THSD4: variants seen among roughly 807,000 people sequenced by gnomAD.
The protein encoded by THSD4 is thrombospondin type-1 domain-containing protein 4.
Under a neutral mutation model 119.0 loss-of-function variants are expected in THSD4, and 69 were observed. The observed-to-expected ratio is 0.58, with a 90% confidence interval of 0.48 to 0.71. THSD4 has a LOEUF of 0.71. Among genes scored for constraint, THSD4 ranks in the 30% least tolerant of loss-of-function variants. The probability of loss-of-function intolerance (pLI) is 0.00; values close to 1 mark genes in which losing one functional copy is unlikely to be tolerated. For synonymous variants in THSD4, 524 were observed against 540.4 expected, an observed-to-expected ratio of 0.97 and a Z score of 0.42; for missense variants, 1,393 against 1,391.1, an observed-to-expected ratio of 1.00 and a Z score of -0.02.
intron 7 of THSD4, among the ~76,000 whole-genome samples, chr15:71,512,571 G>A (rs2048298898): frequency 6.6e-6 from 1 of 152,050 alleles, no homozygotes; most frequent in South Asian, 2.1e-4. Context: ...AAAAACCACG[G>A]GTTTTTAAGT....
intron 7 of THSD4, among the ~76,000 whole-genome samples, chr15:71,567,366 C>T (rs773908973): frequency 1.3e-5 from 2 of 152,084 alleles, no homozygotes; most frequent in African/African-American, 2.4e-5. Context: ...GGAAGGGAAG[C>T]GGCCTGATAC....
chr15:71,310,524 G>T (rs1002618076), intron 6 of THSD4, among the ~76,000 whole-genome samples: 1 of 152,176 alleles, frequency 6.6e-6, no homozygotes, highest in Non-Finnish European at 1.5e-5. Flanking sequence ...TTGACAAAAA[G>T]GATGTGATCT....
At chr15:71,101,907 T>C (rs2040255265) in intron 1 of THSD4, among the ~76,000 whole-genome samples, 1 of 152,010 alleles carries the variant, frequency 6.6e-6, no homozygotes, top group Non-Finnish European at 1.5e-5. Flanking sequence ...AGAGACGGGG[T>C]TTCACCATGT....
chr15:71,358,994 A>T (rs906393900), intron 6 of THSD4, among the ~76,000 whole-genome samples: 3 of 152,164 alleles, frequency 2.0e-5, no homozygotes, highest in Non-Finnish European at 1.5e-5. Flanking sequence ...TAGGTAGAGG[A>T]TTCATTTTAC....
At chr15:71,690,180 G>A (rs145123273) in intron 8 of THSD4, among the ~76,000 whole-genome samples, 205 of 152,320 alleles carry the variant, frequency 1.3e-3, no homozygotes, top group Admixed American at 2.4e-3. Flanking sequence ...TGGCCCTGGA[G>A]TTGTATTGAG....
chr15:71,497,252 C>CCTAT (rs1201634513), intron 7 of THSD4, among the ~76,000 whole-genome samples: 11 of 152,162 alleles, frequency 7.2e-5, no homozygotes, highest in African/African-American at 2.7e-4. Flanking sequence ...GTGGCTTATG[C>CCTAT]CTATAATCCC....
intron 8 of THSD4, among the ~76,000 whole-genome samples, chr15:71,718,971 C>T (rs1274622071): frequency 6.6e-6 from 1 of 152,116 alleles, no homozygotes; most frequent in East Asian, 1.9e-4. Context: ...CTTTTTTGAC[C>T]AGTTTATTTT....
rs1269458968 is a variant in THSD4 at position 71,745,202 on chromosome 15, A to C, written c.2003A>C (p.Glu668Ala). Residue 668 changes from glutamate (E) to alanine (A), a missense_variant, in exon 12 of 18, where the codon GAG becomes GCG. Coordinates refer to ENST00000261862, the MANE Select transcript of THSD4 (RefSeq NM_024817.3). ...CDSSMKPTPE[E>A]EPCNIFPCPA... is the part of the protein sequence containing the mutation. ...TCCAGCATGAAGCCGACCCCCGAGG[A>C]GGAGCCCTGCAACATCTTCCCTTGC... 1 of 1,613,648 alleles carries C rather than the reference A, an allele frequency of 6.2e-7. No individual in the cohort carries two copies. The highest frequency in any genetic ancestry group is 1.7e-5 in the Admixed American group (1 of 60,018).
chr15:71,578,861 T>TTGA (rs2049505883), intron 7 of THSD4, among the ~76,000 whole-genome samples: 1 of 150,136 alleles, frequency 6.7e-6, no homozygotes, highest in African/African-American at 2.5e-5. Flanking sequence ...TTTTTTTTTT[T>TTGA]GAGACGGAGT....
chr15:71,443,117 C>T (rs2047132513), intron 7 of THSD4, among the ~76,000 whole-genome samples: 2 of 152,146 alleles, frequency 1.3e-5, no homozygotes, highest in South Asian at 4.1e-4. Flanking sequence ...GCAAAATGTT[C>T]ACTGAATCTA....
At chr15:71,097,577 A>C (rs1596199449) in intron 1 of THSD4, among the ~76,000 whole-genome samples, 1 of 148,122 alleles carries the variant, frequency 6.8e-6, no homozygotes, top group East Asian at 2.0e-4. Flanking sequence ...AAAAAAAAAA[A>C]CAACAACAAC....
At chr15:71,145,832 G>A (rs1373161518) in intron 2 of THSD4, among the ~76,000 whole-genome samples, 1 of 151,996 alleles carries the variant, frequency 6.6e-6, no homozygotes, top group African/African-American at 2.4e-5. Flanking sequence ...GGTTGGGGAG[G>A]AGGGAGTGGA....
intron 4 of THSD4, among the ~76,000 whole-genome samples, chr15:71,222,836 G>A (rs1241908681): frequency 6.6e-6 from 1 of 152,148 alleles, no homozygotes; most frequent in Non-Finnish European, 1.5e-5. Context: ...AAGAACAGGA[G>A]CTACACACCC....
chr15:71,675,604 C>T (rs1393941793), intron 8 of THSD4, among the ~76,000 whole-genome samples: 6 of 152,162 alleles, frequency 3.9e-5, no homozygotes, highest in South Asian at 2.1e-4. Context: ...AGACCTCGCT[C>T]GTGGTACTGG....
chr15:71,369,928 G>A (rs1380052089), intron 6 of THSD4, among the ~76,000 whole-genome samples: 13 of 152,086 alleles, frequency 8.5e-5, no homozygotes, highest in Non-Finnish European at 1.8e-4. Flanking sequence ...TTTTTGGTTA[G>A]TAGGCTATTA....
At chr15:71,692,197 G>A (rs187599191) in intron 8 of THSD4, among the ~76,000 whole-genome samples, 206 of 152,266 alleles carry the variant, frequency 1.4e-3, no homozygotes, top group Non-Finnish European at 2.5e-3. Context: ...TAAAGGAGAC[G>A]TGGGTGTATG....
chr15:71,334,026 CTGT>C (rs1359683801), intron 6 of THSD4, among the ~76,000 whole-genome samples: 2 of 152,276 alleles, frequency 1.3e-5, no homozygotes, highest in African/African-American at 4.8e-5. Context: ...GCCTCCCAGC[CTGT>C]TGTTTTAGTT....
intron 7 of THSD4, among the ~76,000 whole-genome samples, chr15:71,505,427 T>C (rs1447621360): frequency 6.6e-6 from 1 of 152,152 alleles, no homozygotes; most frequent in South Asian, 2.1e-4. Context: ...GGGAAGAAAA[T>C]TGAAGAGCTG....
intron 8 of THSD4, among the ~76,000 whole-genome samples, chr15:71,679,509 T>G (rs1357394066): frequency 1.3e-5 from 2 of 152,194 alleles, no homozygotes; most frequent in Non-Finnish European, 2.9e-5. Flanking sequence ...TTGCCCACCC[T>G]TGTTTTGGTG....
Sources: allele counts gnomAD v4.1 joint callset (sites outside exome capture counted in the v4.1 genomes callset), GRCh38; gene constraint gnomAD v4.1.1; transcripts MANE v1.5; gene names NCBI Gene and HGNC (gene_info 2026-07-23, HGNC 2026-07-21).